PPARG: variants seen among roughly 807,000 people sequenced by gnomAD.
The protein encoded by PPARG is peroxisome proliferator-activated receptor gamma.
PPARG carries 17 observed loss-of-function variants against 39.2 expected under a neutral mutation model. That is an observed-to-expected ratio of 0.43 (90% CI 0.30 to 0.65). PPARG has a LOEUF of 0.65. Ranked by LOEUF, PPARG falls within the 30% of genes least tolerant of loss-of-function variation. The pLI, the probability that PPARG is intolerant of heterozygous loss-of-function variation, is 0.13. For synonymous variants in PPARG, 223 were observed against 215.7 expected, an observed-to-expected ratio of 1.03 and a Z score of -0.30; for missense variants, 406 against 585.9, an observed-to-expected ratio of 0.69 and a Z score of 3.17.
intron 5 of PPARG, among the ~76,000 whole-genome samples, chr3:12,395,192 A>G (rs113016322): frequency 1.1e-3 from 174 of 152,170 alleles, no homozygotes; most frequent in Middle Eastern, 0.01. Flanking sequence ...TAATCAAACA[A>G]CCTAACTCAC....
chr3:12,363,282 A>C (rs375915599), intron 2 of PPARG, among the ~76,000 whole-genome samples: 34 of 152,296 alleles, frequency 2.2e-4, no homozygotes, highest in African/African-American at 8.2e-4. Flanking sequence ...TACTATGTAT[A>C]CTTTAATATC....
intron 1 of PPARG, among the ~76,000 whole-genome samples, chr3:12,307,488 T>G (rs1053778070): frequency 3.5e-5 from 5 of 144,424 alleles, no homozygotes; most frequent in Non-Finnish European, 7.6e-5. Flanking sequence ...CAGTCCTATG[T>G]TTTTATGAAA....
At chr3:12,302,403 G>A (rs1290647695) in intron 1 of PPARG, among the ~76,000 whole-genome samples, 2 of 152,124 alleles carry the variant, frequency 1.3e-5, no homozygotes, top group Non-Finnish European at 2.9e-5. Context: ...TTCCTTTGGA[G>A]GTGATGAACA....
upstream of PPARG, chr3:12,288,717 T>G (rs2046572545): frequency 6.6e-6 from 1 of 152,036 alleles, no homozygotes; most frequent in South Asian, 2.1e-4. Flanking sequence ...CGCGTTGTGC[T>G]GGCCCTACGC....
intron 2 of PPARG, among the ~76,000 whole-genome samples, chr3:12,345,557 C>T (rs759493650): frequency 2.0e-5 from 3 of 152,136 alleles, no homozygotes; most frequent in Admixed American, 1.3e-4. Context: ...ATCAAGAAAC[C>T]TGGTTTCTAG....
At chr3:12,322,071 G>C (rs2047562031) in intron 2 of PPARG, among the ~76,000 whole-genome samples, 1 of 152,214 alleles carries the variant, frequency 6.6e-6, no homozygotes, top group African/African-American at 2.4e-5. Context: ...ATTTCCATGA[G>C]AGATATGCAT....
At chr3:12,322,314 T>G (rs2047569788) in intron 2 of PPARG, among the ~76,000 whole-genome samples, 1 of 152,254 alleles carries the variant, frequency 6.6e-6, no homozygotes, top group Non-Finnish European at 1.5e-5. Context: ...GGCTCCTACT[T>G]GTATGTATTA....
At chr3:12,293,640 A>G (rs903830697) in intron 1 of PPARG, among the ~76,000 whole-genome samples, 4 of 152,192 alleles carry the variant, frequency 2.6e-5, no homozygotes, top group African/African-American at 7.2e-5. Context: ...ATTTCTAAGA[A>G]TTTACCCTGC....
chr3:12,391,869 CA>C (rs530753668), intron 4 of PPARG, among the ~76,000 whole-genome samples: 2 of 151,914 alleles, frequency 1.3e-5, no homozygotes, highest in African/African-American at 4.8e-5. Context: ...ATGATGAACC[CA>C]AAAAATGGAG....
chr3:12,411,058 T>C (rs1025562500), intron 6 of PPARG, among the ~76,000 whole-genome samples: 1 of 152,214 alleles, frequency 6.6e-6, no homozygotes, highest in Non-Finnish European at 1.5e-5. Flanking sequence ...CATTCATCCA[T>C]GTATCAATAT....
chr3:12,381,464 T>C lies in PPARG; in HGVS notation c.363T>C (p.Tyr121=). 1 of 1,613,582 alleles carries C rather than the reference T, an allele frequency of 6.2e-7. No homozygotes were observed. Among genetic ancestry groups the C allele is most frequent in the Non-Finnish European group, 8.5e-7 (1 of 1,179,728 alleles). The change falls in exon 4 of 8, where the codon TAT becomes TAC. Residue 121 remains tyrosine, a synonymous_variant. Coordinates refer to ENST00000651735, the MANE Select transcript of PPARG (RefSeq NM_138711.6). The stretch of plus-strand genomic sequence containing the variant: ...GAGATAAAGCTTCTGGATTTCACTA[T>C]GGAGTTCATGCTTGTGAAGGATGCA... ...VCGDKASGFH[Y]GVHACEGCKG... is the part of the protein sequence containing the mutation.
chr3:12,388,448 G>A (rs374006270), intron 4 of PPARG, among the ~76,000 whole-genome samples: 10 of 152,210 alleles, frequency 6.6e-5, no homozygotes, highest in East Asian at 5.8e-4. Flanking sequence ...GATGGCTGTA[G>A]CAGTTTTCTG....
chr3:12,344,087 CT>C (rs2048261731), intron 2 of PPARG, among the ~76,000 whole-genome samples: 1 of 151,906 alleles, frequency 6.6e-6, no homozygotes, highest in Admixed American at 6.6e-5. Flanking sequence ...TCTCAAACTC[CT>C]GACCTCAGGT....
In PPARG at chr3:12,295,345, A is replaced by G. The variant is rs137870341; in HGVS notation, c.-83+6211A>G. ...AGTAGAAACTTCAAAAATCATTTGC[A>G]TATGTCAAGTATAATCCAGAAGAGT... On this transcript the variant is annotated intron_variant, in intron 1 of 7. Transcript: ENST00000651735. Among the ~76,000 whole-genome samples, 326 of 152,328 alleles carry G rather than the reference A, an allele frequency of 2.1e-3. 3 individuals carry two copies. Among genetic ancestry groups the G allele is most frequent in the Admixed American group, 3.3e-3 (50 of 15,306 alleles).
In PPARG at chr3:12,304,474, C is replaced by T. The variant is rs900012189; in HGVS notation, c.-82-7906C>T. 2.6e-5 allele frequency among the ~76,000 whole-genome samples: 4 copies of T among 152,022 alleles called. No individual in the cohort carries two copies. In the South Asian group the frequency reaches 8.3e-4, roughly 31 times the overall value. On this transcript the variant is annotated intron_variant, in intron 1 of 7. Transcript: ENST00000651735. ...GGGAAATTCTAGAATGTTTTTAACT[C>T]AAAGGACATTATTTTCATGAGGATG...
At chr3:12,422,794 A>T (rs943933003) in intron 7 of PPARG, among the ~76,000 whole-genome samples, 1 of 151,732 alleles carries the variant, frequency 6.6e-6, no homozygotes, top group African/African-American at 2.4e-5. Context: ...AGGCAGGAGG[A>T]TTGCTTAAGC....
At chr3:12,374,868 T>C (rs2049351197) in intron 2 of PPARG, among the ~76,000 whole-genome samples, 1 of 152,142 alleles carries the variant, frequency 6.6e-6, no homozygotes, top group Non-Finnish European at 1.5e-5. Flanking sequence ...AAGTAAAGGC[T>C]ACTATGAAAA....
intron 2 of PPARG, among the ~76,000 whole-genome samples, chr3:12,323,250 G>T (rs980851659): frequency 6.6e-6 from 1 of 152,228 alleles, no homozygotes; most frequent in Non-Finnish European, 1.5e-5. Context: ...TGTTTCAGGA[G>T]GAAGAGGGAT....
At chr3:12,340,501 C>A (rs984716820) in intron 2 of PPARG, among the ~76,000 whole-genome samples, 5 of 152,266 alleles carry the variant, frequency 3.3e-5, no homozygotes, top group Admixed American at 2.6e-4. Context: ...TCCCCTCCTT[C>A]CCTCTGTGTT....
Sources: allele counts gnomAD v4.1 joint callset (sites outside exome capture counted in the v4.1 genomes callset), GRCh38; gene constraint gnomAD v4.1.1; transcripts MANE v1.5; gene names NCBI Gene and HGNC (gene_info 2026-07-23, HGNC 2026-07-21).